The following TRHDE variants were observed in gnomAD, a reference collection of about 807,000 sequenced individuals.
TRHDE encodes the protein thyrotropin-releasing hormone-degrading ectoenzyme.
Under a neutral mutation model 125.7 loss-of-function variants are expected in TRHDE, and 72 were observed. The observed-to-expected ratio is 0.57, with a 90% confidence interval of 0.47 to 0.70. The LOEUF is 0.70. Ranked by LOEUF, TRHDE falls within the 30% of genes least tolerant of loss-of-function variation. The pLI is 0.00. For missense variants in TRHDE, 1,110 were observed against 1,327.1 expected (o/e 0.84, Z 2.54); for synonymous variants, 509 against 509.1 (o/e 1.00, Z 0.00).
At chr12:72,285,691 T>C (rs1393380204) in intron 1 of TRHDE, among the ~76,000 whole-genome samples, 1 of 152,012 alleles carries the variant, frequency 6.6e-6, no homozygotes, top group Non-Finnish European at 1.5e-5. Flanking sequence ...CAGCTAATTT[T>C]TGTACTTTCA....
At chr12:72,221,453 T>A (rs942492778) in intron 2 of TRHDE, among the ~76,000 whole-genome samples, 1 of 152,068 alleles carries the variant, frequency 6.6e-6, no homozygotes, top group African/African-American at 2.4e-5. Context: ...TTGAAAATTG[T>A]TCTAAAATTC....
At chr12:72,142,805 ACAGT>A (rs1222344279) in intron 2 of TRHDE, among the ~76,000 whole-genome samples, 1 of 151,934 alleles carries the variant, frequency 6.6e-6, no homozygotes, top group East Asian at 1.9e-4. Flanking sequence ...TCAGTAGGGG[ACAGT>A]CAGGGAAGAG....
intron 6 of TRHDE, among the ~76,000 whole-genome samples, chr12:72,536,073 T>C (rs934083285): frequency 2.0e-5 from 3 of 152,142 alleles, no homozygotes; most frequent in African/African-American, 7.2e-5. Flanking sequence ...ACTTCTCTTG[T>C]GCTGGAGGAG....
chr12:72,635,736 C>T (rs1873715124), intron 15 of TRHDE, among the ~76,000 whole-genome samples: 1 of 151,576 alleles, frequency 6.6e-6, no homozygotes, highest in South Asian at 2.1e-4. Flanking sequence ...GCCAGTTTTC[C>T]CAGCACCATT....
chr12:72,462,425 T>C (rs1876168283), intron 3 of TRHDE, among the ~76,000 whole-genome samples: 1 of 152,186 alleles, frequency 6.6e-6, no homozygotes, highest in African/African-American at 2.4e-5. Flanking sequence ...ATGGAATTCA[T>C]GACCAGAGCT....
In TRHDE at chr12:72,154,634, G is replaced by C. The variant is rs532919738; in HGVS notation, n.279+48882G>C. 1.9e-4 allele frequency among the ~76,000 whole-genome samples: 29 copies of C among 152,254 alleles called. No homozygotes were observed. The East Asian group carries it at 4.8e-3, about 25-fold the overall frequency. ...CATTTGCTTGTCTGTAAAGTATTTT[G>C]TTTCTCCTTTACTTTTGAAGCTTAG... On this transcript the variant is annotated intron_variant and non_coding_transcript_variant, in intron 2 of 4. Transcript: ENST00000548156.
At chr12:72,555,210 C>A (rs1261327793) in intron 7 of TRHDE, among the ~76,000 whole-genome samples, 1 of 152,098 alleles carries the variant, frequency 6.6e-6, no homozygotes, top group Non-Finnish European at 1.5e-5. Context: ...TGAATACTCC[C>A]ATATCTAAGC....
chr12:72,254,509 T>C (rs1878761528), intron 2 of TRHDE: 2 of 152,348 alleles, frequency 1.3e-5, no homozygotes, highest in African/African-American at 4.8e-5. Context: ...TTTCATTATC[T>C]ATGTTCTACT....
At position 72,635,983 on chromosome 12, in the gene TRHDE, T is replaced by C. The variant is rs1222953127; in HGVS notation, c.2675+14232T>C. Among the ~76,000 whole-genome samples, 1,426 of 151,012 alleles carry C rather than the reference T, an allele frequency of 9.4e-3. 18 individuals carry two copies. Among genetic ancestry groups the C allele is most frequent in the African/African-American group, 0.033 (1,346 of 41,244 alleles). The stretch of plus-strand genomic sequence containing the variant: ...TTGGCTTAGGATTGACTTGGCGATG[T>C]GGGCTCTTTTTTGGTTCCATATGAA... On this transcript the variant is annotated intron_variant, in intron 15 of 18. Coordinates refer to ENST00000261180, the MANE Select transcript of TRHDE (RefSeq NM_013381.3).
intron 3 of TRHDE, among the ~76,000 whole-genome samples, chr12:72,438,439 A>G (rs781227509): frequency 1.3e-5 from 2 of 151,748 alleles, no homozygotes; most frequent in Non-Finnish European, 3.0e-5. Flanking sequence ...ACCAACACTT[A>G]TCTTTCAACT....
chr12:72,563,901 T>TA (rs1443312222), intron 9 of TRHDE, among the ~76,000 whole-genome samples: 1 of 152,104 alleles, frequency 6.6e-6, no homozygotes, highest in East Asian at 1.9e-4. Flanking sequence ...TGTCTCCCAT[T>TA]ACCTTGGAAA....
intron 2 of TRHDE, among the ~76,000 whole-genome samples, chr12:72,375,412 A>C (rs1488152132): frequency 6.6e-6 from 1 of 152,184 alleles, no homozygotes; most frequent in Non-Finnish European, 1.5e-5. Context: ...GATCATTTCC[A>C]TTAAATCTTG....
At chr12:72,406,043 A>C (rs1028963356) in intron 3 of TRHDE, among the ~76,000 whole-genome samples, 8 of 152,182 alleles carry the variant, frequency 5.3e-5, no homozygotes, top group East Asian at 1.9e-4. Flanking sequence ...GGAGGAGAAG[A>C]AGCAGCAGCT....
intron 15 of TRHDE, among the ~76,000 whole-genome samples, chr12:72,637,943 ATAGG>A (rs1331225416): frequency 6.6e-6 from 1 of 152,100 alleles, no homozygotes; most frequent in East Asian, 1.9e-4. Context: ...CCGTTTTGGA[ATAGG>A]TGTGGTGTGG....
intron 2 of TRHDE, among the ~76,000 whole-genome samples, chr12:72,245,841 T>A (rs961320055): frequency 6.6e-6 from 1 of 152,078 alleles, no homozygotes; most frequent in Non-Finnish European, 1.5e-5. Flanking sequence ...TATTTAAAAA[T>A]TTTTCAATAT....
At chr12:72,517,040 G>T (rs1004599530) in intron 6 of TRHDE, among the ~76,000 whole-genome samples, 17 of 152,006 alleles carry the variant, frequency 1.1e-4, no homozygotes, top group Non-Finnish European at 2.5e-4. Context: ...GCTGGATTCA[G>T]TTTGCCAGTA....
chr12:72,157,123 C>CT lies in TRHDE; in HGVS notation n.279+51384dup, dbSNP rs58371536. ...GCAACTACACTGATTTTTTCTTTTT[C>CT]TTTTTTTTTTTTTGAGCTCTGTCGC... On this transcript the variant is annotated intron_variant and non_coding_transcript_variant, in intron 2 of 4. Transcript: ENST00000548156. 4.8e-3 allele frequency among the ~76,000 whole-genome samples: 690 copies of CT among 143,596 alleles called. 1 individual carries two copies. The highest frequency in any genetic ancestry group is 0.022 in the Middle Eastern group (6 of 276). The allele number at this position is 143,596 out of a possible 152,430, so 94.2% of individuals were successfully genotyped here.
intron 2 of TRHDE, among the ~76,000 whole-genome samples, chr12:72,235,218 A>G (rs962400097): frequency 1.3e-4 from 20 of 152,190 alleles, no homozygotes; most frequent in African/African-American, 4.6e-4. Flanking sequence ...AGGGGTCTTC[A>G]GGGGACACAG....
In TRHDE at chr12:72,283,090, A is replaced by G. The variant is rs145976447; in HGVS notation, c.915-3591A>G. Among the ~76,000 whole-genome samples, 558 of 152,236 alleles carry G rather than the reference A, an allele frequency of 3.7e-3. 4 individuals are homozygous for G. Among genetic ancestry groups the G allele is most frequent in the African/African-American group, 0.012 (509 of 41,526 alleles). ...TTTTTGTCATGGCTTTTTGTATAAT[A>G]CCCGTCTAGGTATATGTTTATTTTA... On this transcript the variant is annotated intron_variant, in intron 1 of 18. Transcript: ENST00000261180.
Sources: gnomAD v4.1 joint callset for allele counts (sites outside exome capture counted in the v4.1 genomes callset) on GRCh38, gnomAD v4.1.1 for gene constraint, MANE v1.5 for transcripts, NCBI Gene and HGNC (gene_info 2026-07-23, HGNC 2026-07-21) for gene names.